CCDC32: variants seen among roughly 807,000 people sequenced by gnomAD.
CCDC32 encodes the protein coiled-coil domain containing 32.
CCDC32 carries 9 observed loss-of-function variants against 20.1 expected under a neutral mutation model. The ratio of observed to expected loss-of-function variants is 0.45; its 90% confidence interval spans 0.27 to 0.78. CCDC32 has a LOEUF of 0.78. Among genes scored for constraint, CCDC32 ranks in the 30% least tolerant of loss-of-function variants. The pLI is 0.16. For synonymous variants in CCDC32, 63 were observed against 79.0 expected (o/e 0.80, Z 1.07); for missense variants, 204 against 215.5 (o/e 0.95, Z 0.33).
chr15:40,541,256 C>A (rs1416000368), intron 3 of CCDC32, among the ~76,000 whole-genome samples: 1 of 152,168 alleles, frequency 6.6e-6, no homozygotes, highest in Non-Finnish European at 1.5e-5. Context: ...CAAACCTCAA[C>A]CAATGAAGGA....
At chr15:40,521,432 T>G in the CCDC32 span, among the ~76,000 whole-genome samples, 2,723 of 152,318 alleles carry the variant, frequency 0.018, 295 homozygotes, top group Admixed American at 0.16. Flanking sequence ...GGAATTTTAT[T>G]TATCCATCCA....
At chr15:40,540,490 C>T (rs1430025552) in intron 3 of CCDC32, among the ~76,000 whole-genome samples, 6 of 151,580 alleles carry the variant, frequency 4.0e-5, no homozygotes, top group African/African-American at 1.5e-4. Context: ...TCTTCAGCCT[C>T]CCGAGTAGCT....
At chr15:40,560,823 A>G (rs1419781576) in intron 2 of CCDC32, among the ~76,000 whole-genome samples, 1 of 152,232 alleles carries the variant, frequency 6.6e-6, no homozygotes, top group East Asian at 1.9e-4. Context: ...TTTCTCAAAG[A>G]ACTAAGAGTA....
At chr15:40,564,636 G>C in intron 1 of CCDC32, 1 of 1,294,978 alleles carries the variant, frequency 7.7e-7, no homozygotes, top group African/African-American at 1.5e-5. Flanking sequence ...ACAGAGCCCA[G>C]CCAGCGTAAA....
chr15:40,552,081 C>A (rs1889902415), downstream of CCDC32, among the ~76,000 whole-genome samples: 1 of 151,862 alleles, frequency 6.6e-6, no homozygotes, highest in Non-Finnish European at 1.5e-5. Flanking sequence ...ATGGATTGAG[C>A]CTGGGAGGTT....
At chr15:40,552,481 CAAAA>C (rs58360713), downstream of CCDC32, among the ~76,000 whole-genome samples, 25,962 of 94,312 alleles carry the variant, frequency 0.28, 2,957 homozygotes, top group Middle Eastern at 0.39. Flanking sequence ...AACTCCATCT[CAAAA>C]AAAAAAAAAA....
rs369907897 is a variant in CCDC32, at chr15:40,560,102, TGG to T, written c.244+2668_244+2669del. ...TCAGCTCACTGCAACCTCTGCCTCC[TGG>T]GTTCAAGCGATTCTCCTGTCTCAGC... On this transcript the variant is annotated intron_variant, in intron 2 of 3. Coordinates refer to ENST00000416810, the MANE Select transcript of CCDC32 (RefSeq NM_001080792.4). 2.2e-4 allele frequency among the ~76,000 whole-genome samples: 34 copies of T among 152,320 alleles called. 1 individual carries two copies. In the East Asian group the frequency reaches 6.0e-3, roughly 27 times the overall value.
chr15:40,525,216 G>C (rs1287007546), downstream of CCDC32, among the ~76,000 whole-genome samples: 1 of 152,084 alleles, frequency 6.6e-6, no homozygotes, highest in Non-Finnish European at 1.5e-5. Context: ...TTTTAGTTGA[G>C]ATGGGGTTTT....
chr15:40,553,955 TGTGTGTGTGTGTA>T lies in CCDC32; in HGVS notation c.*3_*15del. On this transcript the variant is annotated 3_prime_UTR_variant, in exon 4 of 4. Transcript: ENST00000416810. Reference sequence around the variant, plus strand: ...GTGTGTGTGTGTGTGTGTGTGTGTGTGTGTGTGTGTGTAATTTACTGTTCTGCTGCTGCTGGCT... The same window carrying T: ...GTGTGTGTGTGTGTGTGTGTGTGTGTATTTACTGTTCTGCTGCTGCTGGCT... The T allele has an allele frequency of 1.4e-6, 2 of 1,395,404 alleles. No homozygotes were observed. The highest frequency in any genetic ancestry group is 9.6e-7 in the Non-Finnish European group (1 of 1,039,464). The allele number at this position is 1,395,404 out of a possible 1,614,324, so 86.4% of individuals were successfully genotyped here. A position where few individuals can be genotyped will look rare whatever the true frequency, so the allele number is the denominator to read the frequency against.
At chr15:40,539,840 C>CCACACACACACACACACACACACACACA (rs142688774) in intron 3 of CCDC32, among the ~76,000 whole-genome samples, 39 of 134,630 alleles carry the variant, frequency 2.9e-4, no homozygotes, top group Admixed American at 5.6e-4. Context: ...CAAACTGTTG[C>CCACACACACACACACACACACACACACA]CACACACACA....
downstream of CCDC32, among the ~76,000 whole-genome samples, chr15:40,532,600 C>A (rs1566978113): frequency 6.6e-6 from 1 of 151,476 alleles, no homozygotes; most frequent in Admixed American, 6.6e-5. Context: ...AATTTGTAGT[C>A]TGCTTTTTTT....
chr15:40,539,399 G>T, intron 3 of CCDC32: 4 of 1,471,604 alleles, frequency 2.7e-6, no homozygotes, highest in Non-Finnish European at 3.7e-6. Flanking sequence ...AAGATAGACA[G>T]ATACAGTCAG....
chr15:40,526,646 C>G (rs1894903574), downstream of CCDC32, among the ~76,000 whole-genome samples: 1 of 152,204 alleles, frequency 6.6e-6, no homozygotes, highest in Admixed American at 6.5e-5. Context: ...GGCGCAGTGG[C>G]TCACACCTGT....
chr15:40,543,686 C>G (rs1889496474), intron 3 of CCDC32, among the ~76,000 whole-genome samples: 1 of 152,190 alleles, frequency 6.6e-6, no homozygotes, highest in Non-Finnish European at 1.5e-5. Flanking sequence ...AACTCCTAAC[C>G]TCGTGATCCA....
chr15:40,533,683 T>TA (rs1211232199), downstream of CCDC32, among the ~76,000 whole-genome samples: 2 of 151,994 alleles, frequency 1.3e-5, no homozygotes, highest in Non-Finnish European at 2.9e-5. Context: ...GCACGTTTTT[T>TA]AAAAAAGGAT....
At chr15:40,525,904 A>G (rs910894810), downstream of CCDC32, among the ~76,000 whole-genome samples, 2 of 151,746 alleles carry the variant, frequency 1.3e-5, no homozygotes, top group South Asian at 2.1e-4. Context: ...TTAGGTATAA[A>G]TAAAATAGTG....
chr15:40,554,067 C>A lies in CCDC32; in HGVS notation c.462G>T (p.Glu154Asp). ...QPDKVAVSTE[E>D]VQYLIPPESQ... ...ACTCTGGAGGAATCAGATACTGGAC[C>A]TCCTCTGTGCTGACGGCTACTTTAT... Residue 154 changes from glutamate (E) to aspartate (D), a missense_variant, in exon 4 of 4, where the codon GAG becomes GAT. Coordinates refer to ENST00000416810, the MANE Select transcript of CCDC32 (RefSeq NM_001080792.4). 6.2e-7 allele frequency: 1 copy of A among 1,614,030 alleles called. No individual in the cohort carries two copies.
chr15:40,521,447 T>G, the CCDC32 span, among the ~76,000 whole-genome samples: 1 of 152,200 alleles, frequency 6.6e-6, no homozygotes, highest in Admixed American at 6.5e-5. Context: ...CATCCATCAA[T>G]GGATGGATAT....
At chr15:40,534,813 A>G (rs1210571790), downstream of CCDC32, 1 of 688,346 alleles carries the variant, frequency 1.5e-6, no homozygotes, top group African/African-American at 1.8e-5. Flanking sequence ...ATATACCATC[A>G]CATCAGGATT....
Sources: gnomAD v4.1 joint callset for allele counts (sites outside exome capture counted in the v4.1 genomes callset) on GRCh38, gnomAD v4.1.1 for gene constraint, MANE v1.5 for transcripts, NCBI Gene and HGNC (gene_info 2026-07-23, HGNC 2026-07-21) for gene names.